The following CACNG4 variants were observed in gnomAD, a reference collection of about 807,000 sequenced individuals.
CACNG4 encodes calcium voltage-gated channel auxiliary subunit gamma 4, also known as voltage-dependent calcium channel gamma-4 subunit.
A neutral mutation model predicts 22.9 loss-of-function variants in CACNG4; 8 were observed. That is an observed-to-expected ratio of 0.35 (90% CI 0.21 to 0.63). The LOEUF is 0.63. Among genes scored for constraint, CACNG4 ranks in the 30% least tolerant of loss-of-function variants. The pLI, the probability that CACNG4 is intolerant of heterozygous loss-of-function variation, is 0.72. For synonymous variants in CACNG4, 188 were observed against 191.9 expected (o/e 0.98, Z 0.17); for missense variants, 357 against 455.4 (o/e 0.78, Z 1.97).
At chr17:66,997,615 G>A (rs534729616) in intron 1 of CACNG4, among the ~76,000 whole-genome samples, 1 of 152,200 alleles carries the variant, frequency 6.6e-6, no homozygotes, top group Admixed American at 6.5e-5. Flanking sequence ...TCAGGAGTTC[G>A]AGACCAGCCT....
intron 1 of CACNG4, among the ~76,000 whole-genome samples, chr17:66,990,681 TTTTA>T (rs532977339): frequency 5.4e-4 from 74 of 135,982 alleles, no homozygotes; most frequent in African/African-American, 2.0e-3. Flanking sequence ...TTTTATTTTA[TTTTA>T]TTTATTTATT....
intron 1 of CACNG4, among the ~76,000 whole-genome samples, chr17:66,998,963 C>G (rs957790360): frequency 6.6e-6 from 1 of 152,170 alleles, no homozygotes; most frequent in African/African-American, 2.4e-5. Flanking sequence ...TCCTGAATTG[C>G]CAGCTGGTGC....
chr17:67,024,800 G>T, intron 2 of CACNG4, 60 bp from the exon 3 acceptor site: 1 of 1,431,526 alleles, frequency 7.0e-7, no homozygotes, highest in Non-Finnish European at 9.2e-7. Context: ...ACGCAGCCAT[G>T]CCCGGGAGGG....
chr17:66,975,159 T>G (rs1267237669), intron 1 of CACNG4, among the ~76,000 whole-genome samples: 3 of 152,166 alleles, frequency 2.0e-5, no homozygotes, highest in Non-Finnish European at 4.4e-5. Flanking sequence ...TAGAGGGCAG[T>G]TTCTTGACTC....
intron 1 of CACNG4, among the ~76,000 whole-genome samples, chr17:67,015,815 C>A (rs1229923624): frequency 6.6e-6 from 1 of 151,858 alleles, no homozygotes; most frequent in Non-Finnish European, 1.5e-5. Flanking sequence ...TGAAGTAGCC[C>A]AAAAAAAGGT....
At chr17:67,022,922 A>G (rs557415393) in intron 2 of CACNG4, among the ~76,000 whole-genome samples, 1 of 152,336 alleles carries the variant, frequency 6.6e-6, no homozygotes, top group Admixed American at 6.5e-5. Context: ...GGGCATGTTC[A>G]TCTCCCAAGG....
chr17:67,011,296 G>A (rs1377046140), intron 1 of CACNG4, among the ~76,000 whole-genome samples: 1 of 152,052 alleles, frequency 6.6e-6, no homozygotes, highest in African/African-American at 2.4e-5. Context: ...ATGGAGGATG[G>A]TCTGAAATCA....
At chr17:67,018,577 C>T (rs779722797) in intron 2 of CACNG4, among the ~76,000 whole-genome samples, 3 of 152,146 alleles carry the variant, frequency 2.0e-5, no homozygotes, top group Non-Finnish European at 2.9e-5. Context: ...TTCAAAGTTA[C>T]TGACTGGCTG....
rs1439228638 is a variant in CACNG4 at position 67,013,874 on chromosome 17, G to A, written c.221-4315G>A. ...TGTGCAGATGAAGGGATATACACGT[G>A]TGCAGACGAGCCTGTACCTGCTCAT... On this transcript the variant is annotated intron_variant, in intron 1 of 3. Coordinates refer to ENST00000262138, the MANE Select transcript of CACNG4 (RefSeq NM_014405.4). Among the ~76,000 whole-genome samples the A allele has an allele frequency of 2.6e-5, 4 of 152,136 alleles. No individual in the cohort carries two copies. In the East Asian group the frequency reaches 5.8e-4, roughly 22 times the overall value.
chr17:67,027,549 T>C lies in CACNG4; in HGVS notation c.445+2549T>C, dbSNP rs982951432. On this transcript the variant is annotated intron_variant, in intron 3 of 3. Coordinates refer to ENST00000262138, the MANE Select transcript of CACNG4 (RefSeq NM_014405.4). The surrounding 1 kb of genome is among the most constrained non-coding windows in gnomAD (Gnocchi z 4.3). The stretch of plus-strand genomic sequence containing the variant: ...TTAAAGAACTCGAGGTGGAAAATGG[T>C]AGGTGCCACAGGAGAGGGACAGTTT... Among the ~76,000 whole-genome samples the C allele has an allele frequency of 1.3e-5, 2 of 152,040 alleles. No individual in the cohort carries two copies. The highest frequency in any genetic ancestry group is 6.5e-5 in the Admixed American group (1 of 15,270).
Position 67,024,994 on chromosome 17 carries a change from G to A in CACNG4, c.439G>A (p.Ala147Thr), listed in dbSNP as rs757910048. 3 of 1,591,602 alleles carry A rather than the reference G, an allele frequency of 1.9e-6. No homozygotes were observed. The highest frequency in any genetic ancestry group is 2.3e-5 in the South Asian group (2 of 87,658). Residue 147 changes from alanine (A) to threonine (T), a missense_variant, in exon 3 of 4, where the codon GCT becomes ACT. Ala to Thr is a moderately conservative substitution (Grantham distance 58). Coordinates refer to ENST00000262138, the MANE Select transcript of CACNG4 (RefSeq NM_014405.4). Reference sequence around the variant, plus strand: ...CCTCAGTGCCGGCATCCTCTTCGTGGCTGCAGGTGAGCCGCCCGCCCGGGC... The same window carrying A: ...CCTCAGTGCCGGCATCCTCTTCGTGACTGCAGGTGAGCCGCCCGCCCGGGC... ...IVLSAGILFV[A>T]AGLSNIIGII...
At chr17:66,982,208 G>A (rs530253100) in intron 1 of CACNG4, among the ~76,000 whole-genome samples, 15 of 152,322 alleles carry the variant, frequency 9.8e-5, no homozygotes, top group Non-Finnish European at 2.2e-4. Flanking sequence ...TGCTGGCTAG[G>A]GTGGCCAGCT....
intron 3 of CACNG4, among the ~76,000 whole-genome samples, chr17:67,028,414 A>G (rs553433643): frequency 1.1e-4 from 17 of 152,110 alleles, no homozygotes; most frequent in Admixed American, 3.9e-4. Flanking sequence ...TTAGCTGGGC[A>G]TGGTGGCGGG....
chr17:67,024,310 A>C (rs1192519616), intron 2 of CACNG4, among the ~76,000 whole-genome samples: 2 of 152,218 alleles, frequency 1.3e-5, no homozygotes, highest in Non-Finnish European at 2.9e-5. Context: ...TGCTATGAGG[A>C]ACCTCATTCC....
At chr17:66,971,595 C>T (rs1480627410) in intron 1 of CACNG4, among the ~76,000 whole-genome samples, 2 of 151,816 alleles carry the variant, frequency 1.3e-5, no homozygotes, top group Admixed American at 6.6e-5. Context: ...GAGCAGGGGG[C>T]GTGTGGGGAG....
intron 1 of CACNG4, among the ~76,000 whole-genome samples, chr17:66,966,595 A>G (rs1210267360): frequency 6.6e-6 from 1 of 152,046 alleles, no homozygotes; most frequent in Non-Finnish European, 1.5e-5. Context: ...AGTGAAGTCA[A>G]CTTGGCCCCC....
intron 1 of CACNG4, among the ~76,000 whole-genome samples, chr17:67,004,833 C>T (rs1213213785): frequency 6.6e-6 from 1 of 152,162 alleles, no homozygotes; most frequent in East Asian, 1.9e-4. Flanking sequence ...AGTTGATTCT[C>T]CCACCTCAAC....
intron 1 of CACNG4, among the ~76,000 whole-genome samples, chr17:67,000,176 T>C (rs1042944980): frequency 1.6e-4 from 25 of 152,196 alleles, no homozygotes; most frequent in Admixed American, 1.3e-4. Flanking sequence ...TTGTGTCGTT[T>C]ACAGCATTTC....
intron 1 of CACNG4, among the ~76,000 whole-genome samples, chr17:66,971,815 C>A (rs1414360775): frequency 1.3e-5 from 2 of 152,106 alleles, no homozygotes; most frequent in Non-Finnish European, 1.5e-5. Flanking sequence ...GCTGGGGAGG[C>A]TCTGAGGTCA....
Sources: allele counts gnomAD v4.1 joint callset (sites outside exome capture counted in the v4.1 genomes callset), GRCh38; gene constraint gnomAD v4.1.1; non-coding constraint Gnocchi (gnomAD v3.1); transcripts MANE v1.5; gene names NCBI Gene and HGNC (gene_info 2026-07-23, HGNC 2026-07-21).